NKAIN2: variants seen among roughly 807,000 people sequenced by gnomAD.
The protein encoded by NKAIN2 is sodium/potassium-transporting ATPase subunit beta-1-interacting protein 2.
In NKAIN2, 14 loss-of-function variants were observed where a neutral mutation model predicts 32.6. The observed-to-expected ratio is 0.43, with a 90% CI of 0.28 to 0.67. The LOEUF (loss-of-function observed/expected upper bound fraction) is 0.67, where lower values mean the gene tolerates loss of function less well. Ranked by LOEUF, NKAIN2 falls within the 30% of genes least tolerant of loss-of-function variation. The pLI, the probability that NKAIN2 is intolerant of heterozygous loss-of-function variation, is 0.17. For synonymous variants in NKAIN2, 80 were observed against 87.2 expected (o/e 0.92, Z 0.46); for missense variants, 198 against 258.3 (o/e 0.77, Z 1.60).
At chr6:124,560,990 A>G (rs1780669553) in intron 3 of NKAIN2, among the ~76,000 whole-genome samples, 1 of 152,186 alleles carries the variant, frequency 6.6e-6, no homozygotes, top group Non-Finnish European at 1.5e-5. Flanking sequence ...TTCTAGACCC[A>G]GAGGTGATAG....
At chr6:124,079,179 G>A (rs1242391589) in intron 1 of NKAIN2, among the ~76,000 whole-genome samples, 3 of 151,960 alleles carry the variant, frequency 2.0e-5, no homozygotes, top group Non-Finnish European at 4.4e-5. Flanking sequence ...AAAATTAGGC[G>A]TGATGGCACA....
At chr6:124,459,416 C>T (rs892275182) in intron 3 of NKAIN2, among the ~76,000 whole-genome samples, 1 of 151,754 alleles carries the variant, frequency 6.6e-6, no homozygotes, top group Admixed American at 6.6e-5. Flanking sequence ...ATATCTTTGT[C>T]ATACTACCTG....
At chr6:124,763,457 G>T (rs891933637) in intron 4 of NKAIN2, among the ~76,000 whole-genome samples, 2 of 152,124 alleles carry the variant, frequency 1.3e-5, no homozygotes, top group Admixed American at 6.5e-5. Flanking sequence ...ATGGAGGGAG[G>T]TGCCACACAC....
At chr6:124,668,599 T>C (rs1035061901) in intron 4 of NKAIN2, among the ~76,000 whole-genome samples, 2 of 152,178 alleles carry the variant, frequency 1.3e-5, no homozygotes, top group African/African-American at 4.8e-5. Context: ...TCTAATTTCA[T>C]GCCATCTTCT....
At position 124,348,019 on chromosome 6, in the gene NKAIN2, G is replaced by T. The variant is rs888497541; in HGVS notation, c.193-7248G>T. 4.6e-5 allele frequency among the ~76,000 whole-genome samples: 7 copies of T among 152,200 alleles called. No homozygotes were observed. In the East Asian group the frequency reaches 1.4e-3, roughly 29 times the overall value. Reference sequence around the variant, plus strand: ...GATGTACAGATGGGTTTTTGGTGTGGATGTCCTTTCTGTTTGTTAGTTTTC... The same window carrying T: ...GATGTACAGATGGGTTTTTGGTGTGTATGTCCTTTCTGTTTGTTAGTTTTC... On this transcript the variant is annotated intron_variant, in intron 2 of 6. Coordinates refer to ENST00000368417, the MANE Select transcript of NKAIN2 (RefSeq NM_001040214.3).
intron 5 of NKAIN2, among the ~76,000 whole-genome samples, chr6:124,815,620 C>T (rs946186635): frequency 5.9e-5 from 9 of 152,004 alleles, no homozygotes; most frequent in Non-Finnish European, 8.8e-5. Flanking sequence ...GTAATTATTA[C>T]ACAGTTCTTC....
intron 4 of NKAIN2, among the ~76,000 whole-genome samples, chr6:124,685,418 A>T (rs1371596949): frequency 1.3e-5 from 2 of 152,192 alleles, no homozygotes; most frequent in Non-Finnish European, 2.9e-5. Flanking sequence ...CTCAAGACTG[A>T]CCACTAACAA....
At position 124,513,916 on chromosome 6, in the gene NKAIN2, G is replaced by A. The variant is rs118161941; in HGVS notation, c.274-144270G>A. 5.9e-5 allele frequency among the ~76,000 whole-genome samples: 9 copies of A among 152,278 alleles called. No individual in the cohort carries two copies. In the East Asian group the frequency reaches 1.5e-3, roughly 26 times the overall value. The stretch of plus-strand genomic sequence containing the variant: ...ATAATTTAATAAACATAAAATGTGT[G>A]CTTGATGTTCTGCAATGTGGGACTT... On this transcript the variant is annotated intron_variant, in intron 3 of 6. Coordinates refer to ENST00000368417, the MANE Select transcript of NKAIN2 (RefSeq NM_001040214.3).
intron 1 of NKAIN2, among the ~76,000 whole-genome samples, chr6:124,188,978 T>A (rs9491080): frequency 0.014 from 2,131 of 152,294 alleles, 47 homozygotes; most frequent in African/African-American, 0.049. Context: ...AATAATCATC[T>A]CTGAAGAATT....
intron 4 of NKAIN2, among the ~76,000 whole-genome samples, chr6:124,782,171 ATTTT>A (rs1378757424): frequency 6.6e-6 from 1 of 152,170 alleles, no homozygotes; most frequent in African/African-American, 2.4e-5. Flanking sequence ...TTACGATAAC[ATTTT>A]AAAGTCACTC....
At chr6:124,712,094 G>T (rs1775505155) in intron 4 of NKAIN2, among the ~76,000 whole-genome samples, 1 of 151,744 alleles carries the variant, frequency 6.6e-6, no homozygotes, top group East Asian at 2.0e-4. Context: ...GTGTCAGTGT[G>T]CCCCTGCTGG....
intron 4 of NKAIN2, among the ~76,000 whole-genome samples, chr6:124,782,990 G>T (rs1431421257): frequency 6.6e-6 from 1 of 152,006 alleles, no homozygotes; most frequent in Non-Finnish European, 1.5e-5. Flanking sequence ...CTCTAAACCG[G>T]AAGGCGATTT....
At chr6:123,997,738 G>A (rs1279526006) in intron 1 of NKAIN2, among the ~76,000 whole-genome samples, 1 of 151,292 alleles carries the variant, frequency 6.6e-6, no homozygotes, top group Non-Finnish European at 1.5e-5. Flanking sequence ...CGAGTGGCTG[G>A]GACTACAGGC....
chr6:124,346,292 G>GA (rs953834119), intron 2 of NKAIN2, among the ~76,000 whole-genome samples: 1 of 152,084 alleles, frequency 6.6e-6, no homozygotes, highest in Non-Finnish European at 1.5e-5. Context: ...GTGTGGTGCT[G>GA]AAAAAAATGT....
intron 4 of NKAIN2, among the ~76,000 whole-genome samples, chr6:124,758,008 G>A (rs1237572447): frequency 1.3e-5 from 2 of 152,174 alleles, no homozygotes; most frequent in South Asian, 2.1e-4. Context: ...AATACTTACA[G>A]TATCTGACTT....
At chr6:124,476,205 C>G (rs913062235) in intron 3 of NKAIN2, among the ~76,000 whole-genome samples, 1 of 151,702 alleles carries the variant, frequency 6.6e-6, no homozygotes, top group African/African-American at 2.4e-5. Flanking sequence ...ATCGTTTTGG[C>G]CAAGAAATAA....
At chr6:124,513,693 T>G (rs970501969) in intron 3 of NKAIN2, among the ~76,000 whole-genome samples, 5 of 152,138 alleles carry the variant, frequency 3.3e-5, no homozygotes, top group African/African-American at 1.2e-4. Flanking sequence ...AGTGGAAATA[T>G]GTAATAGTAA....
At chr6:124,261,177 C>A (rs1482602187) in intron 1 of NKAIN2, among the ~76,000 whole-genome samples, 2 of 152,190 alleles carry the variant, frequency 1.3e-5, no homozygotes, top group Non-Finnish European at 2.9e-5. Flanking sequence ...TAAAAAGATT[C>A]CAGATAGGAG....
intron 1 of NKAIN2, among the ~76,000 whole-genome samples, chr6:123,898,080 A>C (rs957639075): frequency 1.3e-5 from 2 of 152,170 alleles, no homozygotes; most frequent in African/African-American, 2.4e-5. Flanking sequence ...ATGAGAACTA[A>C]GAATAATAAT....
Sources: allele counts gnomAD v4.1 joint callset (sites outside exome capture counted in the v4.1 genomes callset), GRCh38; gene constraint gnomAD v4.1.1; transcripts MANE v1.5; gene names NCBI Gene and HGNC (gene_info 2026-07-23, HGNC 2026-07-21).